PCSK2: variants seen among roughly 807,000 people sequenced by gnomAD.
PCSK2 encodes the protein neuroendocrine convertase 2.
Under a neutral mutation model 69.7 loss-of-function variants are expected in PCSK2, and 14 were observed. The observed-to-expected ratio is 0.20, with a 90% CI of 0.13 to 0.31. The LOEUF (loss-of-function observed/expected upper bound fraction) is 0.31. PCSK2 is among the 10% of genes least tolerant of loss of function. The pLI is 1.00. For missense variants in PCSK2, 544 were observed against 842.5 expected (o/e 0.65, Z 4.39); for synonymous variants, 307 against 320.7 (o/e 0.96, Z 0.46).
At position 17,281,635 on chromosome 20, in the gene PCSK2, G is replaced by A. The variant is rs1170407579; in HGVS notation, c.282+21291G>A. On this transcript the variant is annotated intron_variant, in intron 2 of 11. Transcript: ENST00000262545. ...TTGGCTGGTATGGCTTCTCATCCCT[G>A]GCCCACCTTTTATCATACTCTCACC... Among the ~76,000 whole-genome samples the A allele has an allele frequency of 3.3e-5, 5 of 152,134 alleles. No homozygotes were observed. In the East Asian group the frequency reaches 7.7e-4, roughly 24 times the overall value.
At chr20:17,382,597 T>C (rs2123255624) in intron 5 of PCSK2, among the ~76,000 whole-genome samples, 1 of 152,234 alleles carries the variant, frequency 6.6e-6, no homozygotes, top group Admixed American at 6.5e-5. Context: ...TGCTAGGCAA[T>C]ACACCTGCCT....
In PCSK2 at chr20:17,424,181, A is replaced by G. The variant is rs181821794; in HGVS notation, c.621-5254A>G. Among the ~76,000 whole-genome samples the G allele has an allele frequency of 3.7e-4, 57 of 152,338 alleles. 1 individual carries two copies. The East Asian group carries it at 6.6e-3, about 18-fold the overall frequency. ...TTAGAAGTATAAATAAATAAATCAC[A>G]GCATATTTATAAATGGACTACTACA... On this transcript the variant is annotated intron_variant, in intron 6 of 11. Coordinates refer to ENST00000262545, the MANE Select transcript of PCSK2 (RefSeq NM_002594.5).
chr20:17,274,518 G>T (rs1987984375), intron 2 of PCSK2, among the ~76,000 whole-genome samples: 1 of 152,152 alleles, frequency 6.6e-6, no homozygotes, highest in African/African-American at 2.4e-5. Flanking sequence ...AGAAGCTAAA[G>T]AATTGTGATT....
At chr20:17,325,653 C>T (rs952846303) in intron 2 of PCSK2, among the ~76,000 whole-genome samples, 26 of 152,342 alleles carry the variant, frequency 1.7e-4, no homozygotes, top group African/African-American at 5.8e-4. Flanking sequence ...TTCATCTAGA[C>T]GTGGGCTGGG....
intron 6 of PCSK2, among the ~76,000 whole-genome samples, chr20:17,411,680 A>T (rs1417759209): frequency 6.6e-6 from 1 of 152,204 alleles, no homozygotes; most frequent in Non-Finnish European, 1.5e-5. Context: ...CCAGCATGGC[A>T]TTTGAGCTCT....
intron 5 of PCSK2, among the ~76,000 whole-genome samples, chr20:17,384,425 CAAAAAAAA>C (rs11478291): frequency 5.6e-5 from 6 of 106,534 alleles, no homozygotes; most frequent in African/African-American, 1.5e-4. Flanking sequence ...CCATATCTAC[CAAAAAAAA>C]AAAAAAAAAA....
At chr20:17,264,841 A>C (rs1237842793) in intron 2 of PCSK2, among the ~76,000 whole-genome samples, 2 of 145,330 alleles carry the variant, frequency 1.4e-5, no homozygotes, top group Non-Finnish European at 3.0e-5. Flanking sequence ...TCTTTTGGAA[A>C]GTCTATTTTC....
At chr20:17,469,496 G>A (rs2033164270) in intron 11 of PCSK2, among the ~76,000 whole-genome samples, 1 of 151,714 alleles carries the variant, frequency 6.6e-6, no homozygotes, top group South Asian at 2.1e-4. Flanking sequence ...CAGGAGGTGT[G>A]TCCTATCATT....
At chr20:17,268,060 T>TATATATATAA (rs1395373344) in intron 2 of PCSK2, among the ~76,000 whole-genome samples, 24 of 146,170 alleles carry the variant, frequency 1.6e-4, no homozygotes, top group African/African-American at 5.6e-4. Flanking sequence ...TATATATATA[T>TATATATATAA]ATAATGCATT....
chr20:17,390,642 G>A (rs2031348260), intron 5 of PCSK2, among the ~76,000 whole-genome samples: 1 of 152,104 alleles, frequency 6.6e-6, no homozygotes. Context: ...ACTCTAAAAG[G>A]GGTCTAGTTT....
At chr20:17,318,490 A>G (rs1989759674) in intron 2 of PCSK2, among the ~76,000 whole-genome samples, 1 of 152,242 alleles carries the variant, frequency 6.6e-6, no homozygotes, top group Non-Finnish European at 1.5e-5. Context: ...CCTGTTTCAA[A>G]GGCAAAATGC....
At chr20:17,347,792 G>T (rs77341508) in intron 2 of PCSK2, among the ~76,000 whole-genome samples, 4,172 of 24,850 alleles carry the variant, frequency 0.17, 177 homozygotes, top group African/African-American at 0.24. Context: ...ATAGACGAAA[G>T]AAAGAAAGAA....
At chr20:17,359,032 A>G (rs1303413794) in intron 3 of PCSK2, among the ~76,000 whole-genome samples, 1 of 152,240 alleles carries the variant, frequency 6.6e-6, no homozygotes, top group Non-Finnish European at 1.5e-5. Flanking sequence ...GTTCATCATG[A>G]TCCATTTGGA....
At chr20:17,465,703 T>A in intron 11 of PCSK2, 150 bp downstream of exon 11, 2 of 619,602 alleles carry the variant, frequency 3.2e-6, no homozygotes, top group Non-Finnish European at 5.7e-6. Context: ...GGGCCTCACT[T>A]TGTCACCCAG....
rs556889445 is a variant in PCSK2 at position 17,442,437 on chromosome 20, T to C, written c.885+5554T>C. ...ACTAATGCACCTTCCAGTCTTAGAA[T>C]GGATCATCAAAAAGGAGGTTTGGCA... is the stretch of plus-strand genomic sequence containing the variant. On this transcript the variant is annotated intron_variant, in intron 8 of 11. Coordinates refer to ENST00000262545, the MANE Select transcript of PCSK2 (RefSeq NM_002594.5). 9.2e-5 allele frequency among the ~76,000 whole-genome samples: 14 copies of C among 152,250 alleles called. No homozygotes were observed. The South Asian group carries it at 2.7e-3, about 29-fold the overall frequency.
At chr20:17,355,124 G>A (rs2030148665) in intron 2 of PCSK2, among the ~76,000 whole-genome samples, 1 of 152,058 alleles carries the variant, frequency 6.6e-6, no homozygotes, top group Admixed American at 6.5e-5. Context: ...CCTAATTTAT[G>A]GAATTAAAAA....
At chr20:17,325,020 C>G (rs1989999259) in intron 2 of PCSK2, among the ~76,000 whole-genome samples, 1 of 152,180 alleles carries the variant, frequency 6.6e-6, no homozygotes, top group South Asian at 2.1e-4. Context: ...TCAAACTCCT[C>G]TTGGCTGCAG....
intron 2 of PCSK2, among the ~76,000 whole-genome samples, chr20:17,329,426 A>G (rs1990152843): frequency 6.6e-6 from 1 of 152,248 alleles, no homozygotes; most frequent in South Asian, 2.1e-4. Context: ...GTTCCCAATT[A>G]TTCAGAAGCA....
chr20:17,281,616 G>A (rs1988317431), intron 2 of PCSK2, among the ~76,000 whole-genome samples: 1 of 152,144 alleles, frequency 6.6e-6, no homozygotes, highest in African/African-American at 2.4e-5. Flanking sequence ...TAACTTGGCT[G>A]GTATGGCTTC....
Sources: allele counts gnomAD v4.1 joint callset (sites outside exome capture counted in the v4.1 genomes callset), GRCh38; gene constraint gnomAD v4.1.1; transcripts MANE v1.5; gene names NCBI Gene and HGNC (gene_info 2026-07-23, HGNC 2026-07-21).